Variants in CFAP20DC observed in about 807,000 individuals in gnomAD.
CFAP20DC encodes the protein CFAP20 domain containing, also known as protein CFAP20DC.
CFAP20DC carries 84 observed loss-of-function variants against 101.7 expected under a neutral mutation model. The ratio of observed to expected loss-of-function variants is 0.83; its 90% CI spans 0.69 to 0.99. The LOEUF (loss-of-function observed/expected upper bound fraction) is 0.99, where lower values mean the gene tolerates loss of function less well. Ranked by LOEUF, CFAP20DC falls within the 50% of genes least tolerant of loss-of-function variation. The pLI, the probability that CFAP20DC is intolerant of heterozygous loss-of-function variation, is 0.00. For missense variants in CFAP20DC, 1,007 were observed against 970.3 expected, an observed-to-expected ratio of 1.04 and a Z score of -0.50; for synonymous variants, 359 against 351.2, an observed-to-expected ratio of 1.02 and a Z score of -0.25.
At chr3:58,773,702 C>G (rs555086502) in intron 15 of CFAP20DC, among the ~76,000 whole-genome samples, 1 of 152,260 alleles carries the variant, frequency 6.6e-6, no homozygotes, top group African/African-American at 2.4e-5. Flanking sequence ...ATAGATATGA[C>G]TAAAACAAGT....
At position 58,914,140 on chromosome 3, in the gene CFAP20DC, C is replaced by G. The variant is rs2084433189; in HGVS notation, c.394-276G>C. On this transcript the variant is annotated intron_variant, in intron 5 of 16. Transcript: ENST00000482387. The surrounding 1 kb of genome is among the most constrained non-coding windows in gnomAD (Gnocchi z 4.9). ...TATGACAACTTTGGGAAATAACTCT[C>G]TATCTGTAGGCAGTATGCCAGCAGG... Among the ~76,000 whole-genome samples, 1 of 152,160 alleles carries G rather than the reference C, an allele frequency of 6.6e-6. No homozygotes were observed. Among genetic ancestry groups the G allele is most frequent in the African/African-American group, 2.4e-5 (1 of 41,444 alleles).
At chr3:58,972,084 C>T (rs767233251) in intron 4 of CFAP20DC, among the ~76,000 whole-genome samples, 8 of 151,878 alleles carry the variant, frequency 5.3e-5, no homozygotes, top group Admixed American at 6.6e-5. Context: ...AATAAATATG[C>T]GAAAACAATA....
chr3:58,813,061 T>C (rs906685406), intron 14 of CFAP20DC, among the ~76,000 whole-genome samples: 2 of 151,998 alleles, frequency 1.3e-5, no homozygotes, highest in African/African-American at 4.8e-5. Flanking sequence ...ATAATTTCTA[T>C]TACCACGAAT....
At chr3:58,979,086 T>G (rs746678080) in intron 4 of CFAP20DC, among the ~76,000 whole-genome samples, 1 of 152,214 alleles carries the variant, frequency 6.6e-6, no homozygotes, top group Non-Finnish European at 1.5e-5. Flanking sequence ...AGAAGATTGA[T>G]TCTTTGCAGC....
chr3:58,761,270 G>T (rs1177495047), intron 15 of CFAP20DC, among the ~76,000 whole-genome samples: 1 of 152,136 alleles, frequency 6.6e-6, no homozygotes, highest in Admixed American at 6.5e-5. Flanking sequence ...TTGGGAGGGT[G>T]TATGTGTCGA....
chr3:58,849,141 G>T lies in CFAP20DC; in HGVS notation c.1862C>A (p.Pro621His). The change falls in exon 13 of 17, where the codon CCC becomes CAC. Residue 621 changes from proline (P) to histidine (H), a missense_variant. Physicochemically the swap from Pro to His is moderately conservative, Grantham distance 77. Coordinates refer to ENST00000482387, the MANE Select transcript of CFAP20DC (RefSeq NM_001394063.1). ...RCGSCQKTPE[P>H]VIKAKDLSAQ... ...TGATAGATCCTTCGCTTTGATTACG[G>T]GCTCTGGAGTTTTCTGACAGGACCC... 1 of 1,535,984 alleles carries T rather than the reference G, an allele frequency of 6.5e-7. No homozygotes were observed. Among genetic ancestry groups the T allele is most frequent in the South Asian group, 1.2e-5 (1 of 84,042 alleles).
At chr3:58,993,218 A>G (rs1296677026) in intron 4 of CFAP20DC, among the ~76,000 whole-genome samples, 1 of 152,174 alleles carries the variant, frequency 6.6e-6, no homozygotes, top group Non-Finnish European at 1.5e-5. Context: ...ATGCTTCCTA[A>G]AATGCAGTAC....
chr3:58,940,501 A>C (rs1328321383), intron 4 of CFAP20DC, among the ~76,000 whole-genome samples: 2 of 152,216 alleles, frequency 1.3e-5, no homozygotes, highest in Non-Finnish European at 2.9e-5. Flanking sequence ...ATGTTTATAC[A>C]ATTGTCCCAA....
chr3:58,728,085 T>G lies in CFAP20DC; in HGVS notation c.198-10457A>C, dbSNP rs2067581649. ...TAGAGTGCATAGAAAGCTGCAATCT[T>G]TGTGGACAGAATGAGCGACCATAGC... On this transcript the variant is annotated intron_variant, in intron 3 of 3. Transcript: ENST00000486145. This position sits in a 1 kb window ranked among gnomAD's most constrained non-coding sequence, Gnocchi z 4.7. 1 of 152,162 alleles carries G rather than the reference T, an allele frequency of 6.6e-6. No individual in the cohort carries two copies. The highest frequency in any genetic ancestry group is 1.5e-5 in the Non-Finnish European group (1 of 68,012). The allele number at this position is 152,162 out of a possible 1,614,324, so 9.4% of individuals were successfully genotyped here.
intron 7 of CFAP20DC, among the ~76,000 whole-genome samples, chr3:58,878,151 G>A (rs1363952828): frequency 1.3e-5 from 2 of 152,128 alleles, no homozygotes; most frequent in Non-Finnish European, 2.9e-5. Context: ...AAAACACAAC[G>A]AAAAGAAAAG....
intron 4 of CFAP20DC, among the ~76,000 whole-genome samples, chr3:58,957,622 A>C (rs1221148709): frequency 6.6e-6 from 1 of 152,212 alleles, no homozygotes; most frequent in Non-Finnish European, 1.5e-5. Context: ...CAACAGATTA[A>C]TGGATAAAGA....
chr3:58,761,776 G>A (rs1024646735), intron 15 of CFAP20DC, among the ~76,000 whole-genome samples: 3 of 152,156 alleles, frequency 2.0e-5, no homozygotes, highest in African/African-American at 7.2e-5. Flanking sequence ...CTTTATTCCT[G>A]CCTTCATGTT....
chr3:58,944,755 G>C (rs545891326), intron 4 of CFAP20DC, among the ~76,000 whole-genome samples: 40 of 151,974 alleles, frequency 2.6e-4, no homozygotes, highest in Non-Finnish European at 5.1e-4. Flanking sequence ...ACCTCTTCCT[G>C]CTTCATTCTG....
At chr3:59,021,886 C>A (rs958822312) in intron 4 of CFAP20DC, among the ~76,000 whole-genome samples, 43 of 152,034 alleles carry the variant, frequency 2.8e-4, no homozygotes, top group Admixed American at 2.5e-3. Context: ...CAGTTGGGTT[C>A]CTTAAGATCT....
At chr3:58,917,905 C>T (rs1008532271) in intron 5 of CFAP20DC, among the ~76,000 whole-genome samples, 2 of 152,128 alleles carry the variant, frequency 1.3e-5, no homozygotes, top group African/African-American at 4.8e-5. Flanking sequence ...TTGCTCTTGG[C>T]TGAACCAAGA....
intron 12 of CFAP20DC, among the ~76,000 whole-genome samples, chr3:58,855,061 G>C (rs1481321188): frequency 6.7e-6 from 1 of 148,318 alleles, no homozygotes; most frequent in African/African-American, 2.5e-5. Flanking sequence ...CCTACAAAAT[G>C]GGAGAAAATT....
chr3:58,804,829 T>TA (rs2073945157), intron 15 of CFAP20DC, among the ~76,000 whole-genome samples: 1 of 152,260 alleles, frequency 6.6e-6, no homozygotes. Flanking sequence ...AATGTTAAAA[T>TA]ACCTTCTTAT....
Position 58,914,685 on chromosome 3 carries a change from T to G in CFAP20DC, c.394-821A>C, listed in dbSNP as rs534115079. Among the ~76,000 whole-genome samples the G allele has an allele frequency of 6.7e-6, 1 of 148,794 alleles. No homozygotes were observed. Among genetic ancestry groups the G allele is most frequent in the South Asian group, 2.1e-4 (1 of 4,802 alleles). On this transcript the variant is annotated intron_variant, in intron 5 of 16. Coordinates refer to ENST00000482387, the MANE Select transcript of CFAP20DC (RefSeq NM_001394063.1). The surrounding 1 kb of genome is among the most constrained non-coding windows in gnomAD (Gnocchi z 4.9). Reference sequence around the variant, plus strand: ...AAGGTCCTGTATATATAAATATATATATATATATTTTTTTTCTTTTTTTTA... The same window carrying G: ...AAGGTCCTGTATATATAAATATATAGATATATATTTTTTTTCTTTTTTTTA...
intron 14 of CFAP20DC, among the ~76,000 whole-genome samples, chr3:58,820,376 T>A (rs1221277554): frequency 6.6e-6 from 1 of 150,602 alleles, no homozygotes; most frequent in Non-Finnish European, 1.5e-5. Context: ...GACGACATGA[T>A]TGTATATCTA....
Sources: allele counts gnomAD v4.1 joint callset (sites outside exome capture counted in the v4.1 genomes callset), GRCh38; gene constraint gnomAD v4.1.1; non-coding constraint Gnocchi (gnomAD v3.1); transcripts MANE v1.5; gene names NCBI Gene and HGNC (gene_info 2026-07-23, HGNC 2026-07-21).